Variants in PACS2 observed in about 807,000 individuals in gnomAD.
PACS2 encodes phosphofurin acidic cluster sorting protein 2, also known as PACS1-like protein.
PACS2 carries 36 observed loss-of-function variants against 113.0 expected under a neutral mutation model. The ratio of observed to expected loss-of-function variants is 0.32; its 90% CI spans 0.24 to 0.42. The LOEUF (loss-of-function observed/expected upper bound fraction) is 0.42, where lower values mean the gene tolerates loss of function less well. Ranked by LOEUF, PACS2 falls within the 10% of genes least tolerant of loss-of-function variation. PACS2 has a pLI of 1.00. For missense variants in PACS2, 1,015 were observed against 1,239.5 expected (o/e 0.82, Z 2.72); for synonymous variants, 589 against 536.1 (o/e 1.10, Z -1.36).
chr14:105,310,889 G>C (rs1482449287), upstream of PACS2, among the ~76,000 whole-genome samples: 2 of 152,198 alleles, frequency 1.3e-5, no homozygotes, highest in South Asian at 4.1e-4. Context: ...CCTGAAAATA[G>C]GTGTTTTATA....
chr14:105,373,834 A>G (rs587717750), intron 8 of PACS2, among the ~76,000 whole-genome samples: 1 of 151,842 alleles, frequency 6.6e-6, no homozygotes, highest in Admixed American at 6.6e-5. Flanking sequence ...CATATTCAAG[A>G]ATTAACTAAA....
chr14:105,382,037 C>T lies in PACS2; in HGVS notation c.1392C>T (p.Ser464=). 1 of 1,548,684 alleles carries T rather than the reference C, an allele frequency of 6.5e-7. No individual in the cohort carries two copies. The highest frequency in any genetic ancestry group is 1.2e-5 in the South Asian group (1 of 83,958). Residue 464 remains serine, a synonymous_variant, in exon 13 of 25, where the codon AGC becomes AGT. Coordinates refer to ENST00000447393, the MANE Select transcript of PACS2 (RefSeq NM_001100913.3). ...LDNERCPDAR[S]QLQVQLQIPR... ...ACGAGCGCTGCCCGGACGCCCGGAG[C>T]CAGCTACAGGTGCAGCTGCAGGTGG... is the stretch of plus-strand genomic sequence containing the variant.
intron 9 of PACS2, among the ~76,000 whole-genome samples, chr14:105,379,415 T>C (rs2080901718): frequency 6.6e-6 from 1 of 152,192 alleles, no homozygotes; most frequent in African/African-American, 2.4e-5. Context: ...CCTTCGTGTT[T>C]GTGGCAGCCT....
chr14:105,367,953 C>T (rs1204071257), intron 5 of PACS2, 121 bp from the exon 6 acceptor site: 14 of 723,706 alleles, frequency 1.9e-5, no homozygotes, highest in Non-Finnish European at 3.3e-5. Flanking sequence ...CCCCTCTGTC[C>T]TGCATGGATC....
rs758271867 is a variant in PACS2 at position 105,348,565 on chromosome 14, C to T, written c.192C>T (p.Ile64=). 32 of 1,611,262 alleles carry T rather than the reference C, an allele frequency of 2.0e-5. No homozygotes were observed. Among genetic ancestry groups the T allele is most frequent in the East Asian group, 1.1e-4 (5 of 44,880 alleles). Residue 64 remains isoleucine (I), a synonymous_variant, in exon 2 of 25, where the codon ATC becomes ATT. Transcript: ENST00000447393. This position sits in a 1 kb window ranked among gnomAD's most constrained non-coding sequence, Gnocchi z 6.4. The part of the protein sequence containing the change: ...ELEKELISVV[I]AVKMQGSKRI... ...AGAAGGAGCTGATCTCCGTGGTGAT[C>T]GCTGTCAAGATGCAGGTGAGGCCGC...
intron 1 of PACS2, among the ~76,000 whole-genome samples, chr14:105,342,396 T>A (rs1261482484): frequency 2.0e-5 from 3 of 152,034 alleles, no homozygotes; most frequent in Admixed American, 6.6e-5. Context: ...GCCTCCCAAG[T>A]AGCTGGGACT....
intron 23 of PACS2, 29 bp downstream of exon 23, chr14:105,392,874 C>T (rs782700986): frequency 1.4e-5 from 22 of 1,525,762 alleles, no homozygotes; most frequent in South Asian, 5.6e-5. Flanking sequence ...TAAGGCCACA[C>T]GGCGCAGAAG....
rs2060376895 is a variant in PACS2, at chr14:105,354,942, G to A, written c.298-110G>A. The A allele has an allele frequency of 1.8e-5, 20 of 1,085,004 alleles. No individual in the cohort carries two copies. In the South Asian group the frequency reaches 2.0e-4, roughly 11 times the overall value. 67.2% of individuals were successfully genotyped at this position (1,085,004 alleles called of 1,614,324 possible). ...TGTGGGTGCCCTTCCGATCTCATGG[G>A]CAGCAGGTTGGCCTGGTCGCAGGCT... On this transcript the variant is annotated intron_variant, in intron 3 of 24. Transcript: ENST00000447393. The surrounding 1 kb of genome is among the most constrained non-coding windows in gnomAD (Gnocchi z 4.2).
chr14:105,348,598 C>T lies in PACS2; in HGVS notation c.207+18C>T. The T allele has an allele frequency of 6.3e-7, 1 of 1,577,754 alleles. No individual in the cohort carries two copies. Among genetic ancestry groups the T allele is most frequent in the Non-Finnish European group, 8.7e-7 (1 of 1,149,380 alleles). The stretch of plus-strand genomic sequence containing the variant: ...AGATGCAGGTGAGGCCGCTTGTGAC[C>T]CCGGCTGTGGCTGGGTGCTGTGTAG... On this transcript the variant is annotated intron_variant, in intron 2 of 24. Transcript: ENST00000447393. The surrounding 1 kb of genome is among the most constrained non-coding windows in gnomAD (Gnocchi z 6.4).
intron 4 of PACS2, among the ~76,000 whole-genome samples, chr14:105,362,422 AAAAAAAAAG>A (rs1246659073): frequency 6.6e-6 from 1 of 151,662 alleles, no homozygotes; most frequent in African/African-American, 2.4e-5. Context: ...GTCTCAAAAA[AAAAAAAAAG>A]AAAAGAAAAA....
intron 19 of PACS2, 37 bp from the exon 20 acceptor site, chr14:105,389,924 C>G: frequency 6.3e-7 from 1 of 1,597,434 alleles, no homozygotes; most frequent in Non-Finnish European, 8.6e-7. Flanking sequence ...GGGCTGTGCC[C>G]TGAGGAGAGC....
At chr14:105,363,983 A>G (rs1470133272) in intron 4 of PACS2, among the ~76,000 whole-genome samples, 1 of 152,098 alleles carries the variant, frequency 6.6e-6, no homozygotes, top group African/African-American at 2.4e-5. Context: ...GCACACACCT[A>G]CTGATTAAGT....
chr14:105,346,524 G>A (rs1369691262), intron 1 of PACS2, among the ~76,000 whole-genome samples: 14 of 49,114 alleles, frequency 2.9e-4, no homozygotes, highest in African/African-American at 9.3e-4. Flanking sequence ...ACCCACACCC[G>A]CACAACTTCC....
At chr14:105,351,297 C>T (rs1186676308) in intron 2 of PACS2, among the ~76,000 whole-genome samples, 2 of 152,202 alleles carry the variant, frequency 1.3e-5, no homozygotes, top group East Asian at 1.9e-4. Flanking sequence ...ATAAAGTTTG[C>T]GGTTGGGGTC....
At chr14:105,331,564 C>T (rs750460772) in intron 1 of PACS2, among the ~76,000 whole-genome samples, 1 of 152,162 alleles carries the variant, frequency 6.6e-6, no homozygotes, top group Admixed American at 6.5e-5. Context: ...TTAACAGGCA[C>T]GAACCATTGT....
At chr14:105,390,918 T>C (rs1365249874) in intron 20 of PACS2, 12 of 480,346 alleles carry the variant, frequency 2.5e-5, no homozygotes, top group Non-Finnish European at 4.5e-5. Flanking sequence ...ACCAGCGTCC[T>C]GTTTTTACTG....
rs782469210 is a variant in PACS2, at chr14:105,369,912, G to A, written c.801+12G>A. 4.1e-5 allele frequency: 65 copies of A among 1,596,298 alleles called. No individual in the cohort carries two copies. The Middle Eastern group carries it at 6.6e-4, about 16-fold the overall frequency. On this transcript the variant is annotated intron_variant, in intron 8 of 24. Coordinates refer to ENST00000447393, the MANE Select transcript of PACS2 (RefSeq NM_001100913.3). Reference sequence around the variant, plus strand: ...AAGTGTCCGACGAGGTGAGTGCGCCGCGCCTTCTGCTCGCGGCCCCCACGC... The same window carrying A: ...AAGTGTCCGACGAGGTGAGTGCGCCACGCCTTCTGCTCGCGGCCCCCACGC...
intron 1 of PACS2, among the ~76,000 whole-genome samples, chr14:105,346,385 A>G (rs1648428317): frequency 6.6e-6 from 1 of 151,816 alleles, no homozygotes; most frequent in Non-Finnish European, 1.5e-5. Context: ...CCGGTTGGTG[A>G]CTTTGATGGC....
chr14:105,308,724 G>A (rs1015226335), intron 1 of PACS2, among the ~76,000 whole-genome samples: 1 of 151,610 alleles, frequency 6.6e-6, no homozygotes, highest in Non-Finnish European at 1.5e-5. Flanking sequence ...TTCATGATCC[G>A]CCTGCCTCAG....
Sources: allele counts gnomAD v4.1 joint callset (sites outside exome capture counted in the v4.1 genomes callset), GRCh38; gene constraint gnomAD v4.1.1; non-coding constraint Gnocchi (gnomAD v3.1); transcripts MANE v1.5; gene names NCBI Gene and HGNC (gene_info 2026-07-23, HGNC 2026-07-21).